THBS3: variants seen among roughly 807,000 people sequenced by gnomAD.
The protein encoded by THBS3 is thrombospondin-3.
Under a neutral mutation model 118.3 loss-of-function variants are expected in THBS3, and 78 were observed. The ratio of observed to expected loss-of-function variants is 0.66; its 90% CI spans 0.55 to 0.80. The LOEUF is 0.80. Among genes scored for constraint, THBS3 ranks in the 30% least tolerant of loss-of-function variants. THBS3 has a pLI of 0.00. For synonymous variants in THBS3, 427 were observed against 475.3 expected, an observed-to-expected ratio of 0.90 and a Z score of 1.32; for missense variants, 1,057 against 1,247.4, an observed-to-expected ratio of 0.85 and a Z score of 2.30.
rs1474059379 is a variant in THBS3, at chr1:155,207,750, A to G, written c.79+48T>C. 4 of 1,595,186 alleles carry G rather than the reference A, an allele frequency of 2.5e-6. No individual in the cohort carries two copies. The Admixed American group carries it at 6.7e-5, about 27-fold the overall frequency. ...TTCTCTGCTACTTGGGCTGAGGGCAAATGGGGAAGAAGCAGAGAGCGGTCT... is the reference window on the plus strand; with the variant it reads ...TTCTCTGCTACTTGGGCTGAGGGCAGATGGGGAAGAAGCAGAGAGCGGTCT... On this transcript the variant is annotated intron_variant, in intron 1 of 22. Coordinates refer to ENST00000368378, the MANE Select transcript of THBS3 (RefSeq NM_007112.5).
upstream of THBS3, chr1:155,208,713 C>G: frequency 6.0e-4 from 420 of 700,610 alleles, no homozygotes; most frequent in Non-Finnish European, 7.4e-4. Context: ...CCCAGCCCGG[C>G]CTCCGCTCCG....
chr1:155,206,375 C>T lies in THBS3; in HGVS notation c.111G>A (p.Arg37=), dbSNP rs769659411. The change falls in exon 2 of 23, where the codon CGG becomes CGA. Residue 37 remains arginine, a synonymous_variant. Coordinates refer to ENST00000368378, the MANE Select transcript of THBS3 (RefSeq NM_007112.5). This position sits in a 1 kb window ranked among gnomAD's most constrained non-coding sequence, Gnocchi z 4.2. The stretch of plus-strand genomic sequence containing the variant: ...TCTTCTCTGCCACAGCTACCATCTG[C>T]CGAGACTCGCCCACAGTCAGCAGGT... The part of the protein sequence containing the change: ...VIDLLTVGES[R]QMVAVAEKIR... The T allele has an allele frequency of 1.2e-5, 19 of 1,614,132 alleles. No homozygotes were observed. Among genetic ancestry groups the T allele is most frequent in the Non-Finnish European group, 1.5e-5 (18 of 1,180,030 alleles).
In THBS3 at chr1:155,197,864, C is replaced by T. The variant is rs376544999; in HGVS notation, c.2302+16G>A. 6.2e-7 allele frequency: 1 copy of T among 1,614,062 alleles called. No homozygotes were observed. The highest frequency in any genetic ancestry group is 8.5e-7 in the Non-Finnish European group (1 of 1,180,008). ...CCTCCATTTGGAAGTGATTGAACTG[C>T]ATATCCCTTACATACCAACTGCCAA... On this transcript the variant is annotated intron_variant, in intron 19 of 22. Coordinates refer to ENST00000368378, the MANE Select transcript of THBS3 (RefSeq NM_007112.5). The surrounding 1 kb of genome is among the most constrained non-coding windows in gnomAD (Gnocchi z 5.0).
Position 155,201,005 on chromosome 1 carries a change from C to T in THBS3, c.1441-1G>A, listed in dbSNP as rs1415930270. 2 of 1,614,056 alleles carry T rather than the reference C, an allele frequency of 1.2e-6. No individual in the cohort carries two copies. The highest frequency in any genetic ancestry group is 1.3e-5 in the African/African-American group (1 of 74,924). ...AGTTGGGTGTCAAAAGGCAGTTGTC[C>T]TAAAGTTCAGGGGAAGAGGATGGAT... On this transcript the variant is annotated splice_acceptor_variant, in intron 12 of 22. Coordinates refer to ENST00000368378, the MANE Select transcript of THBS3 (RefSeq NM_007112.5). LOFTEE classifies it high-confidence loss of function.
chr1:155,206,594 C>T lies in THBS3; in HGVS notation c.80-188G>A, dbSNP rs530568169. The stretch of plus-strand genomic sequence containing the variant: ...CCTTGGGAGGTTGAGGCAGGTGGAT[C>T]GCCTAAGGTCAGGAGTTCGAGACCA... On this transcript the variant is annotated intron_variant, in intron 1 of 22. Coordinates refer to ENST00000368378, the MANE Select transcript of THBS3 (RefSeq NM_007112.5). This position sits in a 1 kb window ranked among gnomAD's most constrained non-coding sequence, Gnocchi z 4.2. Among the ~76,000 whole-genome samples, 97 of 152,040 alleles carry T rather than the reference C, an allele frequency of 6.4e-4. No homozygotes were observed. The highest frequency in any genetic ancestry group is 4.6e-3 in the Admixed American group (70 of 15,276).
chr1:155,200,298 G>T, intron 14 of THBS3, 153 bp downstream of exon 14: 1 of 1,052,416 alleles, frequency 9.5e-7, no homozygotes. Context: ...CATTCCTATT[G>T]ACATCTGCTG....
At position 155,197,905 on chromosome 1, in the gene THBS3, C is replaced by A; in HGVS notation, c.2277G>T (p.Met759Ile). 2 of 1,614,092 alleles carry A rather than the reference C, an allele frequency of 1.2e-6. No homozygotes were observed. Among genetic ancestry groups the A allele is most frequent in the Non-Finnish European group, 1.7e-6 (2 of 1,180,012 alleles). The part of the protein sequence containing the change: ...LNQGMEIVQT[M>I]NSDPGLAVGY... ...CAACTGCCAAGCCAGGGTCACTGTTCATGGTCTGAACGATTTCCATGCCCT... is the reference window on the plus strand; with the variant it reads ...CAACTGCCAAGCCAGGGTCACTGTTAATGGTCTGAACGATTTCCATGCCCT... Residue 759 changes from methionine to isoleucine, a missense_variant, in exon 19 of 23, where the codon ATG becomes ATT. Transcript: ENST00000368378. The surrounding 1 kb of genome is among the most constrained non-coding windows in gnomAD (Gnocchi z 5.0).
At chr1:155,208,712 G>GGC, upstream of THBS3, 2 of 1,308,738 alleles carry the variant, frequency 1.5e-6, no homozygotes, top group Non-Finnish European at 2.0e-6. Context: ...CCCCAGCCCG[G>GGC]CCTCCGCTCC....
rs1669921421 is a variant in THBS3 at position 155,202,481 on chromosome 1, C to T, written c.958-80G>A. 2 of 1,556,966 alleles carry T rather than the reference C, an allele frequency of 1.3e-6. No individual in the cohort carries two copies. The highest frequency in any genetic ancestry group is 1.2e-5 in the South Asian group (1 of 83,532). ...CCTGCCTGTGATCCAGGAACCATTG[C>T]TCCAGGTCTCCCCTTTGTGCAGCTC... On this transcript the variant is annotated intron_variant, in intron 8 of 22. Coordinates refer to ENST00000368378, the MANE Select transcript of THBS3 (RefSeq NM_007112.5). This position sits in a 1 kb window ranked among gnomAD's most constrained non-coding sequence, Gnocchi z 5.5.
At chr1:155,209,008 G>C, upstream of THBS3, 1 of 1,591,448 alleles carries the variant, frequency 6.3e-7, no homozygotes, top group Non-Finnish European at 8.5e-7. Flanking sequence ...GGCGCGCCGG[G>C]CCGACAGCGC....
In THBS3 at chr1:155,205,119, G is replaced by T; in HGVS notation, c.484C>A (p.Pro162Thr). Residue 162 changes from proline (P) to threonine (T), a missense_variant, in exon 3 of 23, where the codon CCA (proline) becomes ACA (threonine). Transcript: ENST00000368378. ...AGLPALAPIP[P>T]AEVDGLEIRT... ...ATCTCCAGCCCATCGACCTCCGCTGGAGGAATGGGGGCCAGTGCTGGAAGG... is the reference window on the plus strand; with the variant it reads ...ATCTCCAGCCCATCGACCTCCGCTGTAGGAATGGGGGCCAGTGCTGGAAGG... 8 of 1,614,184 alleles carry T rather than the reference G, an allele frequency of 5.0e-6. No individual in the cohort carries two copies. Among genetic ancestry groups the T allele is most frequent in the Non-Finnish European group, 6.8e-6 (8 of 1,180,040 alleles).
rs568196761 is a variant in THBS3, at chr1:155,202,247, C to T, written c.1098+14G>A. 5 of 1,612,650 alleles carry T rather than the reference C, an allele frequency of 3.1e-6. No homozygotes were observed. Among genetic ancestry groups the T allele is most frequent in the Admixed American group, 3.3e-5 (2 of 59,922 alleles). On this transcript the variant is annotated intron_variant, in intron 9 of 22. Coordinates refer to ENST00000368378, the MANE Select transcript of THBS3 (RefSeq NM_007112.5). The surrounding 1 kb of genome is among the most constrained non-coding windows in gnomAD (Gnocchi z 5.5). ...GGCCAAGATCCCTTGTCCACACACA[C>T]TACCCAGTCTGACCTGTTTGCTGGC... is the stretch of plus-strand genomic sequence containing the variant.
rs1158066445 is a variant in THBS3 at position 155,206,141 on chromosome 1, G to A, written c.286+59C>T. The A allele has an allele frequency of 3.2e-6, 5 of 1,580,150 alleles. No individual in the cohort carries two copies. The highest frequency in any genetic ancestry group is 4.3e-6 in the Non-Finnish European group (5 of 1,154,146). ...AATGAGGAAGCACTTGGGAAGTAGG[G>A]ATGAGGGAGAGTGCTTAAGGAGGTC... On this transcript the variant is annotated intron_variant, in intron 2 of 22. Coordinates refer to ENST00000368378, the MANE Select transcript of THBS3 (RefSeq NM_007112.5). The surrounding 1 kb of genome is among the most constrained non-coding windows in gnomAD (Gnocchi z 4.2).
At chr1:155,203,626 C>G in intron 4 of THBS3, 87 bp from the exon 5 acceptor site, 1 of 1,519,800 alleles carries the variant, frequency 6.6e-7, no homozygotes, top group South Asian at 1.2e-5. Context: ...AAGGTGAGGA[C>G]AGGGACAGGG....
At chr1:155,200,169 T>A (rs533928480) in intron 14 of THBS3, 56 bp from the exon 15 acceptor site, 1 of 1,457,814 alleles carries the variant, frequency 6.9e-7, no homozygotes. Flanking sequence ...TTCTCTCTTC[T>A]AGGTTGGTGA....
At chr1:155,199,925 C>G in intron 15 of THBS3, 69 bp from the exon 16 acceptor site, 1 of 1,612,288 alleles carries the variant, frequency 6.2e-7, no homozygotes, top group Non-Finnish European at 8.5e-7. Context: ...TGACCACTTT[C>G]CATCCAAAGG....
At chr1:155,204,576 C>T (rs1188776286) in intron 4 of THBS3, among the ~76,000 whole-genome samples, 1 of 144,894 alleles carries the variant, frequency 6.9e-6, no homozygotes, top group Non-Finnish European at 1.5e-5. Context: ...CAGGACAAGA[C>T]TCCATCACCA....
At chr1:155,199,114 C>CA (rs1226512418) in intron 16 of THBS3, among the ~76,000 whole-genome samples, 36 of 130,868 alleles carry the variant, frequency 2.8e-4, no homozygotes, top group East Asian at 6.8e-4. Flanking sequence ...GACTCCATCT[C>CA]AAAAAAAAAA....
Position 155,205,220 on chromosome 1 carries a change from C to T in THBS3, c.383G>A (p.Arg128Gln), listed in dbSNP as rs1327807360. 6.2e-6 allele frequency: 10 copies of T among 1,614,112 alleles called. No individual in the cohort carries two copies. Among genetic ancestry groups the T allele is most frequent in the South Asian group, 3.3e-5 (3 of 91,076 alleles). Residue 128 changes from arginine to glutamine, a missense_variant, in exon 3 of 23, where the codon CGA becomes CAA. Coordinates refer to ENST00000368378, the MANE Select transcript of THBS3 (RefSeq NM_007112.5). ...GCTGGGTCTGGAGGGACCTCGGAGT[C>T]GCAGGAGAACTGTGTGTGTGCGCCC... ...ADGRTHTVLL[R>Q]LRGPSRPSPA...
Sources: gnomAD v4.1 joint callset for allele counts (sites outside exome capture counted in the v4.1 genomes callset) on GRCh38, gnomAD v4.1.1 for gene constraint, Gnocchi (gnomAD v3.1) non-coding constraint, MANE v1.5 for transcripts, NCBI Gene and HGNC (gene_info 2026-07-23, HGNC 2026-07-21) for gene names.